The following RIPOR2 variants were observed in gnomAD, a reference collection of about 807,000 sequenced individuals.
RIPOR2 encodes rho family-interacting cell polarization regulator 2.
In RIPOR2, 39 loss-of-function variants were observed where a neutral mutation model predicts 114.5. That is an observed-to-expected ratio of 0.34 (90% CI 0.26 to 0.44). The LOEUF is 0.44. Among genes scored for constraint, RIPOR2 ranks in the 20% least tolerant of loss-of-function variants. The probability of loss-of-function intolerance (pLI) is 1.00; values close to 1 mark genes in which losing one functional copy is unlikely to be tolerated. For missense variants in RIPOR2, 1,007 were observed against 1,255.1 expected, an observed-to-expected ratio of 0.80 and a Z score of 2.99; for synonymous variants, 445 against 484.4, an observed-to-expected ratio of 0.92 and a Z score of 1.07.
intron 1 of RIPOR2, among the ~76,000 whole-genome samples, chr6:24,952,162 G>A (rs918196329): frequency 6.6e-6 from 1 of 152,174 alleles, no homozygotes; most frequent in Non-Finnish European, 1.5e-5. Context: ...GAAGGAAATA[G>A]AACAACTGAG....
intron 1 of RIPOR2, among the ~76,000 whole-genome samples, chr6:24,934,620 T>A (rs1771633109): frequency 6.6e-6 from 1 of 152,236 alleles, no homozygotes; most frequent in African/African-American, 2.4e-5. Flanking sequence ...CTGTTCCTTT[T>A]AAAAAATTAC....
chr6:24,873,771 C>G lies in RIPOR2; in HGVS notation c.217G>C (p.Ala73Pro), dbSNP rs773372686. ...RCNSFIENSS[A>P]LKKPQAKLKK... The stretch of plus-strand genomic sequence containing the variant: ...AGTTTGGCCTGAGGCTTCTTGAGAG[C>G]GGAGGAATTTTCAATGAAGGAGTTA... Residue 73 changes from alanine to proline, a missense_variant, in exon 3 of 22, where the codon GCT becomes CCT. Coordinates refer to ENST00000643898, the MANE Select transcript of RIPOR2 (RefSeq NM_001286445.3). 6.2e-7 allele frequency: 1 copy of G among 1,611,500 alleles called. No homozygotes were observed. Among genetic ancestry groups the G allele is most frequent in the Non-Finnish European group, 8.5e-7 (1 of 1,179,282 alleles).
At chr6:25,034,145 G>C (rs930583901) in intron 1 of RIPOR2, among the ~76,000 whole-genome samples, 3 of 152,004 alleles carry the variant, frequency 2.0e-5, no homozygotes, top group African/African-American at 7.2e-5. Context: ...GTGCTACGCT[G>C]TACGGGGTGA....
chr6:24,886,414 T>C (rs1766840216), intron 1 of RIPOR2, among the ~76,000 whole-genome samples: 1 of 152,192 alleles, frequency 6.6e-6, no homozygotes, highest in African/African-American at 2.4e-5. Context: ...ATTGTCCCAA[T>C]AATGTTCCAT....
chr6:25,007,603 C>A (rs572326919), intron 1 of RIPOR2, among the ~76,000 whole-genome samples: 1 of 152,002 alleles, frequency 6.6e-6, no homozygotes, highest in South Asian at 2.1e-4. Flanking sequence ...TTCCTTTGGC[C>A]TCTCTAAAAG....
intron 1 of RIPOR2, among the ~76,000 whole-genome samples, chr6:25,008,850 C>A (rs1443003627): frequency 6.6e-6 from 1 of 152,232 alleles, no homozygotes; most frequent in African/African-American, 2.4e-5. Flanking sequence ...CTTCCATTCC[C>A]TCTAGGGAAG....
At chr6:24,842,423 G>A (rs1219883002) in intron 13 of RIPOR2, among the ~76,000 whole-genome samples, 1 of 152,140 alleles carries the variant, frequency 6.6e-6, no homozygotes, top group Non-Finnish European at 1.5e-5. Flanking sequence ...GTGAGAGCAG[G>A]TAGTCTCCTC....
intron 10 of RIPOR2, 140 bp from the exon 11 acceptor site, chr6:24,850,090 TC>T: frequency 6.0e-6 from 4 of 665,828 alleles, no homozygotes; most frequent in Non-Finnish European, 2.4e-6. Flanking sequence ...TTTTCATTTT[TC>T]TTTTTCTTTT....
intron 1 of RIPOR2, chr6:24,876,873 C>G (rs1199544746): frequency 1.5e-6 from 1 of 681,646 alleles, no homozygotes; most frequent in Non-Finnish European, 1.8e-6. Context: ...AAGCCCAGGG[C>G]TAGTTCCCCC....
At chr6:24,818,431 G>C (rs1228584933) in intron 20 of RIPOR2, 111 bp downstream of exon 20, 1 of 546,142 alleles carries the variant, frequency 1.8e-6, no homozygotes, top group African/African-American at 1.9e-5. Flanking sequence ...AAGAAGACAA[G>C]AAATACTGCT....
At chr6:25,025,468 A>G (rs1291746589) in intron 1 of RIPOR2, among the ~76,000 whole-genome samples, 4 of 152,154 alleles carry the variant, frequency 2.6e-5, no homozygotes, top group Non-Finnish European at 5.9e-5. Flanking sequence ...TGTAAAAGCA[A>G]TAGGACCTTT....
rs181308863 is a variant in RIPOR2, at chr6:24,880,707, T to C, written c.62-4890A>G. On this transcript the variant is annotated intron_variant, in intron 1 of 21. Transcript: ENST00000643898. ...GGAGAAATATGATTGCCAAGAAATA[T>C]TGTATTAGGCTTTATAAATTCTGAT... Among the ~76,000 whole-genome samples the C allele has an allele frequency of 4.6e-4, 70 of 152,308 alleles. 1 individual carries two copies. The highest frequency in any genetic ancestry group is 1.4e-3 in the Admixed American group (22 of 15,308).
chr6:25,017,464 A>G (rs1266586853), intron 1 of RIPOR2, among the ~76,000 whole-genome samples: 2 of 152,166 alleles, frequency 1.3e-5, no homozygotes, highest in African/African-American at 2.4e-5. Context: ...TTATGCACAC[A>G]TTTGCTGATG....
At chr6:24,996,619 G>A (rs900450128) in intron 1 of RIPOR2, among the ~76,000 whole-genome samples, 1 of 152,128 alleles carries the variant, frequency 6.6e-6, no homozygotes, top group African/African-American at 2.4e-5. Context: ...GTCCAACCAC[G>A]CTGATGTACT....
chr6:24,874,336 C>G (rs760731151), intron 2 of RIPOR2, among the ~76,000 whole-genome samples: 7 of 152,022 alleles, frequency 4.6e-5, no homozygotes, highest in African/African-American at 1.2e-4. Context: ...GTCTTGATCT[C>G]TTGGCTTCAA....
intron 1 of RIPOR2, among the ~76,000 whole-genome samples, chr6:24,999,700 C>A (rs1358550931): frequency 6.6e-6 from 1 of 151,992 alleles, no homozygotes; most frequent in Non-Finnish European, 1.5e-5. Flanking sequence ...GGACTACAGG[C>A]GCCCACCACC....
chr6:24,925,974 CT>C (rs938307355), intron 1 of RIPOR2, among the ~76,000 whole-genome samples: 1 of 152,072 alleles, frequency 6.6e-6, no homozygotes, highest in African/African-American at 2.4e-5. Flanking sequence ...AACAGCTTAT[CT>C]TTTTTTCAGG....
At chr6:24,935,971 G>C (rs1771782135), upstream of RIPOR2, 1 of 1,164,620 alleles carries the variant, frequency 8.6e-7, no homozygotes. Context: ...GCCGACCGAG[G>C]TGATTTCCTT....
rs1486727549 is a variant in RIPOR2, at chr6:24,811,688, TTTA to T, written c.2953-1884_2953-1882del. 2.2e-3 allele frequency among the ~76,000 whole-genome samples: 5 copies of T among 2,296 alleles called. 2 individuals carry two copies. In the East Asian group the frequency reaches 0.18, roughly 83 times the overall value. The allele number at this position is 2,296 out of a possible 152,430, so 1.5% of individuals were successfully genotyped here. On this transcript the variant is annotated intron_variant, in intron 20 of 21. Coordinates refer to ENST00000643898, the MANE Select transcript of RIPOR2 (RefSeq NM_001286445.3). ...TTTTTTTTTTTTTCTTTTTTTTTTT[TTTA>T]ATTATACTCTAAGTTTTAGGGTACA...
Sources: gnomAD v4.1 joint callset for allele counts (sites outside exome capture counted in the v4.1 genomes callset) on GRCh38, gnomAD v4.1.1 for gene constraint, MANE v1.5 for transcripts, NCBI Gene and HGNC (gene_info 2026-07-23, HGNC 2026-07-21) for gene names.